Variants in NDUFB9 observed in about 807,000 individuals in gnomAD.
The protein encoded by NDUFB9 is NADH dehydrogenase [ubiquinone] 1 beta subcomplex subunit 9.
NDUFB9 carries 24 observed loss-of-function variants against 30.2 expected under a neutral mutation model. That is an observed-to-expected ratio of 0.80 (90% CI 0.58 to 1.12). The LOEUF is 1.12. Ranked by LOEUF, NDUFB9 falls within the 50% of genes most tolerant of loss-of-function variation. NDUFB9 has a pLI of 0.00. For synonymous variants in NDUFB9, 80 were observed against 84.0 expected (o/e 0.95, Z 0.26); for missense variants, 204 against 226.0 (o/e 0.90, Z 0.62).
intron 1 of NDUFB9, among the ~76,000 whole-genome samples, chr8:124,540,078 A>G (rs1821878691): frequency 6.6e-6 from 1 of 152,172 alleles, no homozygotes; most frequent in Admixed American, 6.5e-5. Context: ...GTAGTTTTAT[A>G]AGAAGGCCTT....
chr8:124,542,081 A>G (rs185949076), intron 1 of NDUFB9, among the ~76,000 whole-genome samples: 315 of 151,200 alleles, frequency 2.1e-3, no homozygotes, highest in South Asian at 9.8e-3. Context: ...ACGCCCGGCT[A>G]GTTTTTGTAT....
At chr8:124,544,256 T>C (rs967486913) in intron 2 of NDUFB9, among the ~76,000 whole-genome samples, 3 of 152,110 alleles carry the variant, frequency 2.0e-5, no homozygotes, top group Non-Finnish European at 4.4e-5. Context: ...TGGAAGCTAA[T>C]AGAGGTTGGT....
intron 1 of NDUFB9, among the ~76,000 whole-genome samples, chr8:124,540,354 C>G (rs1475459006): frequency 6.6e-6 from 1 of 152,164 alleles, no homozygotes; most frequent in African/African-American, 2.4e-5. Flanking sequence ...CATTTTTGAG[C>G]AGCAGCAGCT....
intron 2 of NDUFB9, among the ~76,000 whole-genome samples, chr8:124,544,151 G>A (rs1386978522): frequency 2.0e-5 from 3 of 152,184 alleles, no homozygotes; most frequent in Admixed American, 6.5e-5. Context: ...AACCAGCCAC[G>A]ACATTCCCTT....
intron 3 of NDUFB9, among the ~76,000 whole-genome samples, chr8:124,547,980 A>C (rs528312491): frequency 6.7e-6 from 1 of 149,966 alleles, no homozygotes; most frequent in Non-Finnish European, 1.5e-5. Context: ...GCAAGACTCC[A>C]TCCCAAAAGA....
In NDUFB9 at chr8:124,541,749, A is replaced by C. The variant is rs1485232096; in HGVS notation, c.102-1338A>C. ...CTCCCGAGTAGCTGGGATTACAGGC[A>C]TGCGCCACCACGCCTGGCTAATTTT... On this transcript the variant is annotated intron_variant, in intron 1 of 3. Coordinates refer to ENST00000276689, the MANE Select transcript of NDUFB9 (RefSeq NM_005005.3). Among the ~76,000 whole-genome samples the C allele has an allele frequency of 2.0e-5, 3 of 151,186 alleles. No homozygotes were observed. The South Asian group carries it at 6.3e-4, about 32-fold the overall frequency.
chr8:124,543,017 C>T lies in NDUFB9; in HGVS notation c.102-70C>T, dbSNP rs192502770. 265 of 1,524,830 alleles carry T rather than the reference C, an allele frequency of 1.7e-4. No homozygotes were observed. In the African/African-American group the frequency reaches 3.4e-3, roughly 19 times the overall value. The allele number at this position is 1,524,830 out of a possible 1,614,324, so 94.5% of individuals were successfully genotyped here. ...CCAGAAGGTATCAGAAGTGCAGCCT[C>T]CTGTCAGACAGCAACACTGACCACG... On this transcript the variant is annotated intron_variant, in intron 1 of 3. Transcript: ENST00000276689.
Position 124,547,927 on chromosome 8 carries a change from A to G in NDUFB9, c.408+814A>G, listed in dbSNP as rs547520644. Among the ~76,000 whole-genome samples the G allele has an allele frequency of 2.7e-3, 406 of 152,206 alleles. 3 individuals carry two copies. The highest frequency in any genetic ancestry group is 9.8e-3 in the South Asian group (47 of 4,820). ...TGAATCCCAGGAGGTGGAGGTTGCA[A>G]TGAGCTGACATCGCGCCACTGCATT... On this transcript the variant is annotated intron_variant, in intron 3 of 3. Coordinates refer to ENST00000276689, the MANE Select transcript of NDUFB9 (RefSeq NM_005005.3).
rs765663770 is a variant in NDUFB9 at position 124,539,258 on chromosome 8, A to T, written c.72A>T (p.Leu24=). Residue 24 remains leucine (L), a synonymous_variant, in exon 1 of 4, where the codon CTA becomes CTT. Coordinates refer to ENST00000276689, the MANE Select transcript of NDUFB9 (RefSeq NM_005005.3). ...QKVLRLYKRA[L]RHLESWCVQR... Reference sequence around the variant, plus strand: ...TGTTGCGGCTTTATAAGCGGGCGCTACGCCACCTCGAGTCGTGGTGCGTCC... The same window carrying T: ...TGTTGCGGCTTTATAAGCGGGCGCTTCGCCACCTCGAGTCGTGGTGCGTCC... 1.9e-6 allele frequency: 3 copies of T among 1,614,168 alleles called. No homozygotes were observed. The South Asian group carries it at 3.3e-5, about 18-fold the overall frequency.
At chr8:124,541,625 C>T (rs866226460) in intron 1 of NDUFB9, among the ~76,000 whole-genome samples, 1 of 152,156 alleles carries the variant, frequency 6.6e-6, no homozygotes, top group African/African-American at 2.4e-5. Flanking sequence ...TTTTGTTAGA[C>T]GGAGTTTCGC....
Position 124,543,084 on chromosome 8 carries a change from A to G in NDUFB9, c.102-3A>G. ...CTAATCTTCAAAATCATTTTGGTTT[A>G]AGAGACAAATACCGATACTTTGCTT... On this transcript the variant is annotated splice_region_variant and splice_polypyrimidine_tract_variant and intron_variant, in intron 1 of 3. Transcript: ENST00000276689. The G allele has an allele frequency of 1.2e-6, 2 of 1,613,974 alleles. No individual in the cohort carries two copies. Among genetic ancestry groups the G allele is most frequent in the East Asian group, 2.2e-5 (1 of 44,882 alleles).
At chr8:124,548,749 C>A (rs1180683251) in intron 3 of NDUFB9, among the ~76,000 whole-genome samples, 1 of 152,048 alleles carries the variant, frequency 6.6e-6, no homozygotes, top group African/African-American at 2.4e-5. Flanking sequence ...AAAACAAAGT[C>A]AAGCCAGTGG....
chr8:124,546,893 G>T (rs749854311), intron 2 of NDUFB9, 107 bp from the exon 3 acceptor site: 3 of 828,518 alleles, frequency 3.6e-6, no homozygotes, highest in Non-Finnish European at 6.4e-6. Context: ...AGTTGCAGTG[G>T]TTATAAAAAT....
Position 124,539,173 on chromosome 8 carries a change from A to T in NDUFB9, c.-14A>T. On this transcript the variant is annotated 5_prime_UTR_variant, in exon 1 of 4. In the 5' UTR this introduces an upstream ATG that the reference lacks. Coordinates refer to ENST00000276689, the MANE Select transcript of NDUFB9 (RefSeq NM_005005.3). ...TCCCGGCTCTCCGCGCGGCCGGGGA[A>T]GGTCAGCGCCGTAATGGCGTTCTTG... The T allele has an allele frequency of 6.2e-7, 1 of 1,613,900 alleles. No homozygotes were observed. Among genetic ancestry groups the T allele is most frequent in the Non-Finnish European group, 8.5e-7 (1 of 1,179,776 alleles).
chr8:124,539,588 G>A, intron 1 of NDUFB9: 1 of 399,244 alleles, frequency 2.5e-6, no homozygotes, highest in Non-Finnish European at 4.6e-6. Context: ...GCCTAAAATT[G>A]TAATTGTCAT....
chr8:124,543,044 G>GA (rs777231199), intron 1 of NDUFB9, 43 bp from the exon 2 acceptor site: 2 of 1,599,432 alleles, frequency 1.3e-6, no homozygotes, highest in Non-Finnish European at 1.7e-6. Flanking sequence ...CTGACCACGT[G>GA]AGTAGGTAAC....
chr8:124,546,610 T>A (rs946585226), intron 2 of NDUFB9: 2 of 281,518 alleles, frequency 7.1e-6, no homozygotes, highest in Non-Finnish European at 1.4e-5. Context: ...ACAGTATACT[T>A]TTTGCTATAA....
chr8:124,542,846 A>G (rs12550827), intron 1 of NDUFB9: 2 of 264,274 alleles, frequency 7.6e-6, no homozygotes, highest in Non-Finnish European at 6.7e-6. Flanking sequence ...TCCTCATTCC[A>G]TTGTTGGATG....
intron 3 of NDUFB9, among the ~76,000 whole-genome samples, chr8:124,547,760 C>T (rs1822197358): frequency 6.6e-6 from 1 of 152,016 alleles, no homozygotes; most frequent in African/African-American, 2.4e-5. Flanking sequence ...TGGGTGATAG[C>T]TTGAGGTCAG....
Sources: gnomAD v4.1 joint callset for allele counts (sites outside exome capture counted in the v4.1 genomes callset) on GRCh38, gnomAD v4.1.1 for gene constraint, MANE v1.5 for transcripts, NCBI Gene and HGNC (gene_info 2026-07-23, HGNC 2026-07-21) for gene names.